MAPRE2: variants seen among roughly 807,000 people sequenced by gnomAD.
MAPRE2 encodes the protein microtubule-associated protein RP/EB family member 2.
In MAPRE2, 13 loss-of-function variants were observed where a neutral mutation model predicts 43.2. The ratio of observed to expected loss-of-function variants is 0.30; its 90% CI spans 0.20 to 0.48. MAPRE2 has a LOEUF of 0.48. Among genes scored for constraint, MAPRE2 ranks in the 20% least tolerant of loss-of-function variants. The probability of loss-of-function intolerance (pLI) is 0.99; values close to 1 mark genes in which losing one functional copy is unlikely to be tolerated. For missense variants in MAPRE2, 161 were observed against 400.2 expected, an observed-to-expected ratio of 0.40 and a Z score of 5.10; for synonymous variants, 135 against 148.8, an observed-to-expected ratio of 0.91 and a Z score of 0.68.
chr18:35,057,447 G>A (rs1010327110), intron 1 of MAPRE2, among the ~76,000 whole-genome samples: 3 of 151,796 alleles, frequency 2.0e-5, no homozygotes, highest in Admixed American at 6.6e-5. Flanking sequence ...GTAACTTTAC[G>A]TTTGACCTGT....
At chr18:35,005,224 C>A (rs1396996731) in intron 1 of MAPRE2, among the ~76,000 whole-genome samples, 1 of 152,110 alleles carries the variant, frequency 6.6e-6, no homozygotes, top group Admixed American at 6.5e-5. Context: ...TTTCATAGGA[C>A]TGACATTATA....
intron 2 of MAPRE2, among the ~76,000 whole-genome samples, chr18:35,006,660 G>A (rs1277994411): frequency 6.6e-6 from 1 of 152,206 alleles, no homozygotes; most frequent in African/African-American, 2.4e-5. Context: ...AGTTTATTTA[G>A]TGTGGAAGAA....
At chr18:35,132,834 A>G (rs1910219448) in intron 6 of MAPRE2, among the ~76,000 whole-genome samples, 1 of 152,236 alleles carries the variant, frequency 6.6e-6, no homozygotes, top group Non-Finnish European at 1.5e-5. Context: ...ATAAGAATCT[A>G]GGAAGCAAGG....
At chr18:34,995,569 A>G (rs79768524) in intron 1 of MAPRE2, among the ~76,000 whole-genome samples, 1,606 of 152,330 alleles carry the variant, frequency 0.011, 25 homozygotes, top group African/African-American at 0.037. Context: ...GAACTTCCCT[A>G]AGAACCTGGA....
At chr18:35,133,784 G>A (rs1379600925) in intron 6 of MAPRE2, among the ~76,000 whole-genome samples, 1 of 152,162 alleles carries the variant, frequency 6.6e-6, no homozygotes, top group Admixed American at 6.5e-5. Context: ...TGAATTCCCG[G>A]CTAAGATAGG....
At chr18:35,037,796 G>A (rs1603392502), upstream of MAPRE2, among the ~76,000 whole-genome samples, 1 of 152,260 alleles carries the variant, frequency 6.6e-6, no homozygotes. Flanking sequence ...TGGATGGATG[G>A]CTTCATCTCT....
At chr18:35,068,503 T>C (rs892660510) in intron 1 of MAPRE2, among the ~76,000 whole-genome samples, 5 of 152,314 alleles carry the variant, frequency 3.3e-5, no homozygotes, top group Admixed American at 1.3e-4. Context: ...TATGTTTAAG[T>C]CCATGGATTC....
chr18:35,026,508 CT>C (rs924155449), intron 2 of MAPRE2, among the ~76,000 whole-genome samples: 58 of 146,914 alleles, frequency 3.9e-4, no homozygotes, highest in Non-Finnish European at 4.5e-4. Context: ...GGAGATTTGA[CT>C]TTTTTTTTTT....
intron 5 of MAPRE2, among the ~76,000 whole-genome samples, chr18:35,129,003 G>A (rs1468553007): frequency 6.6e-6 from 1 of 152,092 alleles, no homozygotes; most frequent in Non-Finnish European, 1.5e-5. Flanking sequence ...ACTAAACCAT[G>A]CTACCATCCA....
In MAPRE2 at chr18:35,140,662, A is replaced by T. The variant is rs1299049143; in HGVS notation, c.*293A>T. 3 of 375,090 alleles carry T rather than the reference A, an allele frequency of 8.0e-6. No individual in the cohort carries two copies. The highest frequency in any genetic ancestry group is 6.0e-5 in the African/African-American group (3 of 49,736). The allele number at this position is 375,090 out of a possible 1,614,324, so 23.2% of individuals were successfully genotyped here. ...GCTCTTTTCTTCATTTCTTTCCAGA[A>T]CAACTCTTTCCCACCCCAACACCAC... is the stretch of plus-strand genomic sequence containing the variant. On this transcript the variant is annotated 3_prime_UTR_variant, in exon 7 of 7. Coordinates refer to ENST00000300249, the MANE Select transcript of MAPRE2 (RefSeq NM_014268.4).
At position 35,032,598 on chromosome 18, in the gene MAPRE2, C is replaced by A. The variant is rs546521286; in HGVS notation, c.-8+27045C>A. 3.3e-5 allele frequency among the ~76,000 whole-genome samples: 5 copies of A among 152,258 alleles called. No homozygotes were observed. In the East Asian group the frequency reaches 9.6e-4, roughly 29 times the overall value. On this transcript the variant is annotated intron_variant, in intron 2 of 7. Transcript: ENST00000413393. ...ACATGATTGTGCTATAAGCTAGGGA[C>A]TCGAAATTAAAATTCGAGTTAATGC...
intron 2 of MAPRE2, among the ~76,000 whole-genome samples, chr18:35,074,872 C>T (rs964118955): frequency 1.3e-5 from 2 of 151,398 alleles, no homozygotes; most frequent in Non-Finnish European, 2.9e-5. Flanking sequence ...TGGACTGTCA[C>T]TGTCTGTCAC....
At chr18:35,017,113 C>A (rs1389172294) in intron 2 of MAPRE2, among the ~76,000 whole-genome samples, 1 of 151,312 alleles carries the variant, frequency 6.6e-6, no homozygotes, top group Non-Finnish European at 1.5e-5. Context: ...GTGGCTGTGT[C>A]CCTTTATTTC....
In MAPRE2 at chr18:35,122,462, A is replaced by G. The variant is rs1458576221; in HGVS notation, c.611-4486A>G. 4.6e-5 allele frequency among the ~76,000 whole-genome samples: 7 copies of G among 152,334 alleles called. No homozygotes were observed. In the East Asian group the frequency reaches 1.2e-3, roughly 25 times the overall value. On this transcript the variant is annotated intron_variant, in intron 4 of 6. Transcript: ENST00000300249. ...AGTAGGCCTGATCTCACATATCCTC[A>G]TGCATCATTTATTTTCCTGTTATCA...
chr18:35,123,078 C>T (rs1045976711), intron 4 of MAPRE2, among the ~76,000 whole-genome samples: 6 of 152,236 alleles, frequency 3.9e-5, no homozygotes, highest in Admixed American at 6.5e-5. Context: ...ATTCTCCCTG[C>T]GTGTCTCACT....
At chr18:35,028,872 C>T (rs571508421) in intron 2 of MAPRE2, among the ~76,000 whole-genome samples, 45 of 152,270 alleles carry the variant, frequency 3.0e-4, no homozygotes, top group Non-Finnish European at 5.4e-4. Flanking sequence ...AAGTTCATTC[C>T]AAGCATTGAT....
chr18:35,038,740 G>C (rs904182282), upstream of MAPRE2, among the ~76,000 whole-genome samples: 7 of 152,146 alleles, frequency 4.6e-5, no homozygotes, highest in African/African-American at 1.4e-4. Context: ...TGGCTTCCAG[G>C]TAACCTGATT....
intron 2 of MAPRE2, among the ~76,000 whole-genome samples, chr18:35,079,089 A>G (rs1301195399): frequency 6.6e-6 from 1 of 152,198 alleles, no homozygotes; most frequent in Non-Finnish European, 1.5e-5. Context: ...CAGTGAAACA[A>G]CAACCAGGAT....
At chr18:34,990,153 G>T (rs530778305) in intron 1 of MAPRE2, among the ~76,000 whole-genome samples, 3 of 152,152 alleles carry the variant, frequency 2.0e-5, no homozygotes, top group Admixed American at 6.5e-5. Flanking sequence ...CACTCAGAAA[G>T]GTTGCTCTCC....
Sources: allele counts gnomAD v4.1 joint callset (sites outside exome capture counted in the v4.1 genomes callset), GRCh38; gene constraint gnomAD v4.1.1; transcripts MANE v1.5; gene names NCBI Gene and HGNC (gene_info 2026-07-23, HGNC 2026-07-21).